The following PTPRM variants were observed in gnomAD, a reference collection of about 807,000 sequenced individuals.
PTPRM encodes the protein receptor-type tyrosine-protein phosphatase mu.
In PTPRM, 47 loss-of-function variants were observed where a neutral mutation model predicts 186.7. That is an observed-to-expected ratio of 0.25 (90% confidence interval 0.20 to 0.32). The LOEUF (loss-of-function observed/expected upper bound fraction) is 0.32. Ranked by LOEUF, PTPRM falls within the 10% of genes least tolerant of loss-of-function variation. PTPRM has a pLI of 1.00. For synonymous variants in PTPRM, 668 were observed against 674.9 expected, an observed-to-expected ratio of 0.99 and a Z score of 0.16; for missense variants, 1,494 against 1,865.0, an observed-to-expected ratio of 0.80 and a Z score of 3.66.
At chr18:7,723,043 C>T (rs758185997) in intron 1 of PTPRM, among the ~76,000 whole-genome samples, 41 of 152,304 alleles carry the variant, frequency 2.7e-4, no homozygotes, top group Middle Eastern at 6.8e-3. Context: ...AGTCAGTGAA[C>T]TAGCGTTTGA....
At chr18:7,763,001 C>T (rs1206843130) in intron 1 of PTPRM, among the ~76,000 whole-genome samples, 1 of 152,160 alleles carries the variant, frequency 6.6e-6, no homozygotes, top group East Asian at 1.9e-4. Context: ...AGGACTCATA[C>T]ATTCTATAGG....
At chr18:7,984,941 A>ATATACATATAAT in intron 7 of PTPRM, among the ~76,000 whole-genome samples, 1 of 43,826 alleles carries the variant, frequency 2.3e-5, no homozygotes, top group East Asian at 3.6e-4. Flanking sequence ...ATATATACAT[A>ATATACATATAAT]TATATACATA....
chr18:7,863,967 T>G (rs749337789), intron 2 of PTPRM, among the ~76,000 whole-genome samples: 1 of 152,262 alleles, frequency 6.6e-6, no homozygotes, highest in African/African-American at 2.4e-5. Flanking sequence ...TGAGCCTTTT[T>G]TCATTTGTCT....
chr18:7,610,322 A>G (rs1442857831), intron 1 of PTPRM, among the ~76,000 whole-genome samples: 1 of 152,156 alleles, frequency 6.6e-6, no homozygotes, highest in Non-Finnish European at 1.5e-5. Flanking sequence ...AAACTTTAAA[A>G]TCTGGGTGTC....
chr18:8,137,538 C>A (rs2092664946), intron 13 of PTPRM, among the ~76,000 whole-genome samples: 1 of 152,188 alleles, frequency 6.6e-6, no homozygotes, highest in Non-Finnish European at 1.5e-5. Context: ...TTCAGTGAGC[C>A]TGCGTATTGC....
intron 1 of PTPRM, among the ~76,000 whole-genome samples, chr18:7,773,818 G>C (rs751655338): frequency 6.6e-6 from 1 of 152,132 alleles, no homozygotes; most frequent in Non-Finnish European, 1.5e-5. Context: ...GACCTCAGGC[G>C]ATCTGGCCGC....
At chr18:8,128,038 C>T (rs1404084411) in intron 13 of PTPRM, among the ~76,000 whole-genome samples, 2 of 152,134 alleles carry the variant, frequency 1.3e-5, no homozygotes, top group African/African-American at 4.8e-5. Flanking sequence ...CGAAAACGTA[C>T]TATCTCTATG....
intron 21 of PTPRM, among the ~76,000 whole-genome samples, chr18:8,318,285 CTTTTTTTTTT>C (rs140026832): frequency 8.3e-5 from 5 of 59,906 alleles, no homozygotes; most frequent in South Asian, 1.1e-3. Flanking sequence ...TTGTTTCCTT[CTTTTTTTTTT>C]TTTTTTTTTT....
intron 1 of PTPRM, among the ~76,000 whole-genome samples, chr18:7,700,674 C>T (rs923346225): frequency 6.6e-6 from 1 of 152,106 alleles, no homozygotes; most frequent in Non-Finnish European, 1.5e-5. Flanking sequence ...GAAGATGAAA[C>T]TTTCTGGTGA....
At chr18:8,305,170 A>AT (rs1186576939) in intron 20 of PTPRM, among the ~76,000 whole-genome samples, 3 of 152,132 alleles carry the variant, frequency 2.0e-5, no homozygotes, top group Non-Finnish European at 4.4e-5. Flanking sequence ...ATTTTATCAG[A>AT]TTTTTTGCTT....
At chr18:8,005,916 G>A (rs2084158025) in intron 7 of PTPRM, among the ~76,000 whole-genome samples, 1 of 152,176 alleles carries the variant, frequency 6.6e-6, no homozygotes, top group Non-Finnish European at 1.5e-5. Flanking sequence ...TAGAGCTGGG[G>A]ACATCCTTCA....
Position 8,289,424 on chromosome 18 carries a change from G to A in PTPRM, c.2755-6944G>A, listed in dbSNP as rs748891930. ...TATATATATATATACACATATATAC[G>A]TATATATATGTATATATACGTATAT... On this transcript the variant is annotated intron_variant, in intron 19 of 32. Transcript: ENST00000580170. 4.9e-4 allele frequency among the ~76,000 whole-genome samples: 49 copies of A among 100,652 alleles called. 1 individual carries two copies. The highest frequency in any genetic ancestry group is 1.7e-3 in the African/African-American group (41 of 24,184). The allele number at this position is 100,652 out of a possible 152,430, so 66.0% of individuals were successfully genotyped here.
At chr18:8,230,730 C>G (rs1188240044) in intron 14 of PTPRM, among the ~76,000 whole-genome samples, 1 of 152,178 alleles carries the variant, frequency 6.6e-6, no homozygotes, top group Non-Finnish European at 1.5e-5. Context: ...TGTTGCAGTG[C>G]TGGTTCTTTT....
intron 14 of PTPRM, among the ~76,000 whole-genome samples, chr18:8,168,230 G>T (rs1350163670): frequency 6.6e-6 from 1 of 152,086 alleles, no homozygotes; most frequent in Non-Finnish European, 1.5e-5. Flanking sequence ...ACATAAATTT[G>T]ACAAGGACGT....
At chr18:7,999,524 G>A (rs2083745125) in intron 7 of PTPRM, among the ~76,000 whole-genome samples, 1 of 151,962 alleles carries the variant, frequency 6.6e-6, no homozygotes, top group Non-Finnish European at 1.5e-5. Context: ...CTGAGCAGAG[G>A]CAAGTGGGAT....
rs183370430 is a variant in PTPRM, at chr18:7,651,304, T to G, written c.73+83413T>G. ...AAGCTTGACTGATGAAAGAAAACAT[T>G]GCTAAACTGGACTTCGTTAAAATTA... is the stretch of plus-strand genomic sequence containing the variant. On this transcript the variant is annotated intron_variant, in intron 1 of 32. Transcript: ENST00000580170. Among the ~76,000 whole-genome samples, 80 of 152,184 alleles carry G rather than the reference T, an allele frequency of 5.3e-4. No homozygotes were observed. In the South Asian group the frequency reaches 6.9e-3, roughly 13 times the overall value.
chr18:8,388,252 G>A (rs892894523), intron 31 of PTPRM, among the ~76,000 whole-genome samples: 32 of 152,326 alleles, frequency 2.1e-4, no homozygotes, highest in African/African-American at 6.3e-4. Context: ...AAGGATAAGC[G>A]AATGTCACTT....
rs533701551 is a variant in PTPRM, at chr18:7,632,135, C to T, written c.73+64244C>T. ...TGGAATCAGCACAAGGGGAGTTGAT[C>T]GGATGATGTCAGAGGCCAATTGTCA... On this transcript the variant is annotated intron_variant, in intron 1 of 32. Transcript: ENST00000580170. Among the ~76,000 whole-genome samples, 5 of 152,152 alleles carry T rather than the reference C, an allele frequency of 3.3e-5. No homozygotes were observed. In the South Asian group the frequency reaches 8.3e-4, roughly 25 times the overall value.
At chr18:8,261,864 C>T (rs563988457) in intron 19 of PTPRM, among the ~76,000 whole-genome samples, 5 of 152,316 alleles carry the variant, frequency 3.3e-5, no homozygotes, top group African/African-American at 1.2e-4. Context: ...TTTTCTGTAT[C>T]TAACCTGAAA....
Sources: gnomAD v4.1 joint callset for allele counts (sites outside exome capture counted in the v4.1 genomes callset) on GRCh38, gnomAD v4.1.1 for gene constraint, MANE v1.5 for transcripts, NCBI Gene and HGNC (gene_info 2026-07-23, HGNC 2026-07-21) for gene names.